Variants in NLGN4X observed in about 807,000 individuals in gnomAD.
NLGN4X encodes neuroligin-4, X-linked.
In NLGN4X, 3 loss-of-function variants were observed where a neutral mutation model predicts 40.3. The ratio of observed to expected loss-of-function variants is 0.07; its 90% CI spans 0.03 to 0.19. NLGN4X has a LOEUF of 0.19. Among genes scored for constraint, NLGN4X ranks in the 10% least tolerant of loss-of-function variants. The pLI, the probability that NLGN4X is intolerant of heterozygous loss-of-function variation, is 1.00. For synonymous variants in NLGN4X, 270 were observed against 306.8 expected, an observed-to-expected ratio of 0.88 and a Z score of 1.25; for missense variants, 382 against 708.3, an observed-to-expected ratio of 0.54 and a Z score of 5.23.
chrX:6,226,340 C>G (rs1025583679), intron 1 of NLGN4X, among the ~76,000 whole-genome samples: 3 of 110,230 alleles, frequency 2.7e-5, no homozygotes, highest in Non-Finnish European at 5.7e-5. Context: ...AAAAAGCCTT[C>G]TGGGGAAGGG....
intron 5 of NLGN4X, among the ~76,000 whole-genome samples, chrX:5,898,712 T>G (rs1238835450): frequency 8.9e-6 from 1 of 111,966 alleles, no homozygotes; most frequent in Non-Finnish European, 1.9e-5. Context: ...TCCTGTCACC[T>G]CCAGTGCTGG....
intron 3 of NLGN4X, among the ~76,000 whole-genome samples, chrX:5,968,707 G>A (rs1474936319): frequency 2.8e-5 from 3 of 107,492 alleles, no homozygotes; most frequent in Non-Finnish European, 3.8e-5. Context: ...ACCATTCACC[G>A]TCCAGTGCTT....
chrX:5,996,019 C>T (rs1455837288), intron 3 of NLGN4X, among the ~76,000 whole-genome samples: 2 of 105,934 alleles, frequency 1.9e-5, no homozygotes, highest in Non-Finnish European at 3.9e-5. Context: ...CCAGAACACA[C>T]ATTTCTGTAC....
At chrX:6,116,290 CAAAAAAAAAA>C (rs758019203) in intron 2 of NLGN4X, among the ~76,000 whole-genome samples, 8 of 16,165 alleles carry the variant, frequency 4.9e-4, no homozygotes, top group Non-Finnish European at 6.1e-4. Flanking sequence ...GAGACTCTGT[CAAAAAAAAAA>C]AAAAAAAAAA....
intron 1 of NLGN4X, among the ~76,000 whole-genome samples, chrX:6,174,066 C>G (rs2040666775): frequency 9.2e-6 from 1 of 109,028 alleles, no homozygotes; most frequent in Admixed American, 9.8e-5. Context: ...TCAAACAAAA[C>G]AAAACAAAAC....
At chrX:5,979,666 T>G (rs2147058721) in intron 3 of NLGN4X, among the ~76,000 whole-genome samples, 1 of 109,445 alleles carries the variant, frequency 9.1e-6, no homozygotes, top group South Asian at 3.9e-4. Context: ...GCCTGTTCAA[T>G]TTTCTGTCCA....
At chrX:5,946,135 T>C (rs886106755) in intron 3 of NLGN4X, among the ~76,000 whole-genome samples, 2 of 111,482 alleles carry the variant, frequency 1.8e-5, no homozygotes, top group African/African-American at 6.5e-5. Context: ...GGGGGGCTGT[T>C]CTGTGCCTTG....
intron 1 of NLGN4X, among the ~76,000 whole-genome samples, chrX:6,204,037 G>C (rs973076707): frequency 1.8e-5 from 2 of 112,246 alleles, no homozygotes; most frequent in Non-Finnish European, 1.9e-5. Flanking sequence ...CCTGGGATCA[G>C]AGGTTGAATC....
intron 1 of NLGN4X, among the ~76,000 whole-genome samples, chrX:6,177,148 A>G (rs1920968118): frequency 9.0e-6 from 1 of 111,386 alleles, no homozygotes; most frequent in African/African-American, 3.3e-5. Flanking sequence ...TCTATCCATC[A>G]TTGCTTTTTG....
chrX:5,968,977 T>C (rs2034927222), intron 3 of NLGN4X, among the ~76,000 whole-genome samples: 1 of 111,739 alleles, frequency 8.9e-6, no homozygotes, highest in African/African-American at 3.3e-5. Flanking sequence ...AGAAGCTTAG[T>C]CTTCTACCAG....
intron 3 of NLGN4X, among the ~76,000 whole-genome samples, chrX:6,009,579 A>C (rs1341723577): frequency 1.8e-5 from 2 of 112,557 alleles, no homozygotes; most frequent in East Asian, 5.6e-4. Flanking sequence ...GAATGAAACA[A>C]ACAACAATTA....
At chrX:6,182,238 C>T (rs1921530917) in intron 1 of NLGN4X, among the ~76,000 whole-genome samples, 1 of 111,696 alleles carries the variant, frequency 9.0e-6, no homozygotes, top group Non-Finnish European at 1.9e-5. Context: ...TGGTCACACA[C>T]GTGATAATAT....
intron 3 of NLGN4X, among the ~76,000 whole-genome samples, chrX:6,022,500 T>C (rs1242604800): frequency 2.7e-5 from 3 of 111,705 alleles, no homozygotes; most frequent in Non-Finnish European, 5.6e-5. Context: ...GAGAAGAACA[T>C]ACAGGTCATT....
In NLGN4X at chrX:5,890,357, T is replaced by C. The variant is rs2031096106; in HGVS notation, c.*2460A>G. ...TTTCCATGTAGAAATAAGATATCAT[T>C]TAAGATGTACTAAAATCACTTTTGA... On this transcript the variant is annotated 3_prime_UTR_variant, in exon 6 of 6. Coordinates refer to ENST00000381095, the MANE Select transcript of NLGN4X (RefSeq NM_181332.3). 4.6e-6 allele frequency: 1 copy of C among 218,023 alleles called. No homozygotes were observed. The highest frequency in any genetic ancestry group is 8.3e-6 in the Non-Finnish European group (1 of 121,180). The allele number at this position is 218,023 out of a possible 1,213,427, so 18.0% of individuals were successfully genotyped here.
At chrX:6,078,938 G>A (rs2038274207) in intron 2 of NLGN4X, among the ~76,000 whole-genome samples, 1 of 111,383 alleles carries the variant, frequency 9.0e-6, no homozygotes, top group East Asian at 2.8e-4. Context: ...GAGTTCTCAT[G>A]AGATCTGATG....
chrX:6,183,003 A>G (rs1921629968), intron 1 of NLGN4X, among the ~76,000 whole-genome samples: 1 of 112,065 alleles, frequency 8.9e-6, no homozygotes, highest in African/African-American at 3.2e-5. Context: ...CTGGAATCCT[A>G]GTTAAGAAGT....
At chrX:5,973,192 A>G (rs2035075468) in intron 3 of NLGN4X, among the ~76,000 whole-genome samples, 1 of 112,527 alleles carries the variant, frequency 8.9e-6, no homozygotes, top group African/African-American at 3.2e-5. Flanking sequence ...TCAGCAAACT[A>G]TGATCCAGGA....
rs2031229093 is a variant in NLGN4X, at chrX:5,892,461, AG to A, written c.*355del. 1 of 233,083 alleles carries A rather than the reference AG, an allele frequency of 4.3e-6. No homozygotes were observed. The highest frequency in any genetic ancestry group is 2.8e-5 in the African/African-American group (1 of 35,154). The allele number at this position is 233,083 out of a possible 1,213,427, so 19.2% of individuals were successfully genotyped here. On this transcript the variant is annotated 3_prime_UTR_variant, in exon 6 of 6. Coordinates refer to ENST00000381095, the MANE Select transcript of NLGN4X (RefSeq NM_181332.3). Reference sequence around the variant, plus strand: ...CAAGTGTCCTTGGCTGAGTTTCAGAAGTGTCAGCTGCTTCCATGACGTTGGA... The same window carrying A: ...CAAGTGTCCTTGGCTGAGTTTCAGAATGTCAGCTGCTTCCATGACGTTGGA...
At chrX:5,960,976 G>A (rs2034643583) in intron 3 of NLGN4X, among the ~76,000 whole-genome samples, 2 of 110,672 alleles carry the variant, frequency 1.8e-5, no homozygotes, top group South Asian at 7.6e-4. Flanking sequence ...AGACCTCGGG[G>A]GGAGAATTTA....
Sources: allele counts gnomAD v4.1 joint callset (sites outside exome capture counted in the v4.1 genomes callset), GRCh38; gene constraint gnomAD v4.1.1; transcripts MANE v1.5; gene names NCBI Gene and HGNC (gene_info 2026-07-23, HGNC 2026-07-21).